Variants in RYR2 observed in about 807,000 individuals in gnomAD.
RYR2 encodes the protein ryanodine receptor 2.
A neutral mutation model predicts 601.1 loss-of-function variants in RYR2; 227 were observed. The observed-to-expected ratio is 0.38, with a 90% CI of 0.34 to 0.42. RYR2 has a LOEUF of 0.42. Ranked by LOEUF, RYR2 falls within the 10% of genes least tolerant of loss-of-function variation. RYR2 has a pLI of 1.00. For missense variants in RYR2, 4,646 were observed against 6,156.5 expected (o/e 0.75, Z 8.21); for synonymous variants, 2,223 against 2,175.1 (o/e 1.02, Z -0.61).
chr1:237,108,771 T>C (rs1172348231), intron 1 of RYR2, among the ~76,000 whole-genome samples: 2 of 152,112 alleles, frequency 1.3e-5, no homozygotes, highest in Non-Finnish European at 2.9e-5. Context: ...GTCTGGGAAG[T>C]GGGTCTTAGG....
At chr1:237,726,724 A>G (rs770773443) in intron 75 of RYR2, among the ~76,000 whole-genome samples, 3 of 151,222 alleles carry the variant, frequency 2.0e-5, no homozygotes, top group Non-Finnish European at 2.9e-5. Context: ...TTAAAATCAT[A>G]AAGAACCAAA....
chr1:237,583,667 A>T (rs1302035972), intron 29 of RYR2, among the ~76,000 whole-genome samples: 2 of 152,114 alleles, frequency 1.3e-5, no homozygotes, highest in Non-Finnish European at 2.9e-5. Flanking sequence ...TAATACATGG[A>T]TTCTTAACTG....
intron 17 of RYR2, among the ~76,000 whole-genome samples, chr1:237,476,018 T>C (rs1159490557): frequency 6.6e-6 from 1 of 152,242 alleles, no homozygotes; most frequent in East Asian, 1.9e-4. Context: ...TGAAATACGA[T>C]TTGGGGGCAA....
intron 19 of RYR2, among the ~76,000 whole-genome samples, chr1:237,493,524 C>A (rs932680630): frequency 5.3e-5 from 8 of 152,174 alleles, no homozygotes; most frequent in African/African-American, 1.9e-4. Flanking sequence ...ACGATCTCGG[C>A]TCACTGCAAG....
chr1:237,122,231 T>C (rs1429389567), intron 1 of RYR2, among the ~76,000 whole-genome samples: 1 of 152,212 alleles, frequency 6.6e-6, no homozygotes, highest in Non-Finnish European at 1.5e-5. Flanking sequence ...ACATCAGTGG[T>C]GAAGTCCCTC....
intron 17 of RYR2, among the ~76,000 whole-genome samples, chr1:237,481,120 A>ATATATATATATG (rs1553467466): frequency 1.6e-4 from 24 of 147,890 alleles, no homozygotes; most frequent in African/African-American, 5.3e-4. Flanking sequence ...ATATATATAT[A>ATATATATATATG]TATATACACA....
At chr1:237,555,202 A>G (rs1486359619) in intron 27 of RYR2, 1 of 152,140 alleles carries the variant, frequency 6.6e-6, no homozygotes, top group East Asian at 1.9e-4. Flanking sequence ...TCAGGCATAC[A>G]AATATTCACT....
At position 237,530,442 on chromosome 1, in the gene RYR2, A is replaced by G. The variant is rs188487794; in HGVS notation, c.2838A>G (p.Leu946=). The change falls in exon 25 of 105, where the codon TTA becomes TTG. Residue 946 remains leucine, a synonymous_variant. Transcript: ENST00000366574. ...TGTTTTCCAGGACTTTGTTGGCATTAGGATGTCATGTGGGTATATCAGATG... is the reference window on the plus strand; with the variant it reads ...TGTTTTCCAGGACTTTGTTGGCATTGGGATGTCATGTGGGTATATCAGATG... ...SLETLKTLLA[L]GCHVGISDEH... is the part of the protein sequence containing the mutation. 2.5e-6 allele frequency: 4 copies of G among 1,607,884 alleles called. No homozygotes were observed. The highest frequency in any genetic ancestry group is 3.4e-6 in the Non-Finnish European group (4 of 1,176,930).
chr1:237,511,296 CAAA>C (rs764004466), intron 23 of RYR2, among the ~76,000 whole-genome samples: 17 of 88,230 alleles, frequency 1.9e-4, no homozygotes, highest in Admixed American at 2.6e-4. Context: ...GTGTATGGAC[CAAA>C]AAAAAAAAAA....
chr1:237,208,967 T>C (rs1387738102), intron 1 of RYR2, among the ~76,000 whole-genome samples: 8 of 108,392 alleles, frequency 7.4e-5, no homozygotes, highest in Non-Finnish European at 1.6e-4. Context: ...TATATATATA[T>C]ATATATATAT....
chr1:237,530,196 G>A (rs1158930821), intron 24 of RYR2, among the ~76,000 whole-genome samples: 2 of 151,950 alleles, frequency 1.3e-5, no homozygotes, highest in Non-Finnish European at 2.9e-5. Flanking sequence ...CTGTAGTCCT[G>A]GCTACTTGGG....
chr1:237,242,158 T>G (rs993904617), intron 1 of RYR2, among the ~76,000 whole-genome samples: 12 of 151,846 alleles, frequency 7.9e-5, no homozygotes, highest in Admixed American at 3.3e-4. Context: ...GAAAAAGACT[T>G]TTTTCCAGTA....
chr1:237,302,980 G>A (rs1305473230), intron 2 of RYR2, among the ~76,000 whole-genome samples: 5 of 152,114 alleles, frequency 3.3e-5, no homozygotes, highest in African/African-American at 4.8e-5. Flanking sequence ...TCTTACATCT[G>A]CACTGGGCAT....
chr1:237,557,743 T>C (rs972287309), intron 27 of RYR2, among the ~76,000 whole-genome samples: 7 of 151,910 alleles, frequency 4.6e-5, no homozygotes, highest in African/African-American at 1.7e-4. Flanking sequence ...CATTTAGAAG[T>C]AGAATCAGCA....
chr1:237,803,918 G>A (rs910561831), intron 98 of RYR2, among the ~76,000 whole-genome samples: 8 of 152,072 alleles, frequency 5.3e-5, no homozygotes, highest in East Asian at 1.9e-4. Flanking sequence ...TTGTCCAGTA[G>A]TCTTCTAATT....
At chr1:237,169,633 C>A (rs1030882028) in intron 1 of RYR2, among the ~76,000 whole-genome samples, 2 of 152,102 alleles carry the variant, frequency 1.3e-5, no homozygotes, top group Non-Finnish European at 2.9e-5. Context: ...TAATTTCTTG[C>A]TGGGCTTTTA....
chr1:237,214,071 C>T (rs1682906674), intron 1 of RYR2, among the ~76,000 whole-genome samples: 1 of 151,780 alleles, frequency 6.6e-6, no homozygotes, highest in African/African-American at 2.4e-5. Flanking sequence ...CATGCATGCA[C>T]CATCACTCCT....
At chr1:237,396,189 C>T (rs765209906) in intron 10 of RYR2, among the ~76,000 whole-genome samples, 8 of 152,098 alleles carry the variant, frequency 5.3e-5, no homozygotes, top group Admixed American at 2.6e-4. Flanking sequence ...CAATTAGGGG[C>T]GGGGAAAGAA....
intron 41 of RYR2, among the ~76,000 whole-genome samples, chr1:237,628,584 T>G (rs935936126): frequency 2.6e-5 from 4 of 152,110 alleles, no homozygotes; most frequent in Non-Finnish European, 5.9e-5. Flanking sequence ...TATTCCATGG[T>G]GTATATGTGC....
Sources: gnomAD v4.1 joint callset for allele counts (sites outside exome capture counted in the v4.1 genomes callset) on GRCh38, gnomAD v4.1.1 for gene constraint, MANE v1.5 for transcripts, NCBI Gene and HGNC (gene_info 2026-07-23, HGNC 2026-07-21) for gene names.